The following DLG2 variants were observed in gnomAD, a reference collection of about 807,000 sequenced individuals.
DLG2 encodes discs large MAGUK scaffold protein 2.
In DLG2, 45 loss-of-function variants were observed where a neutral mutation model predicts 132.5. The ratio of observed to expected loss-of-function variants is 0.34; its 90% confidence interval spans 0.27 to 0.44. The LOEUF is 0.44. Among genes scored for constraint, DLG2 ranks in the 20% least tolerant of loss-of-function variants. DLG2 has a pLI of 1.00. For missense variants in DLG2, 1,045 were observed against 1,196.9 expected (o/e 0.87, Z 1.87); for synonymous variants, 424 against 419.6 (o/e 1.01, Z -0.13).
chr11:84,004,256 T>C (rs538710726), intron 11 of DLG2, among the ~76,000 whole-genome samples: 4 of 152,246 alleles, frequency 2.6e-5, no homozygotes, highest in Admixed American at 6.6e-5. Context: ...ATGGGATTTA[T>C]ACCAAGGGAT....
Position 84,022,731 on chromosome 11 carries a change from AC to A in DLG2, c.919+36583del, listed in dbSNP as rs1202174065. On this transcript the variant is annotated intron_variant, in intron 11 of 27. Transcript: ENST00000376104. ...AAAAATGGAGGAAGAAACATCAGAA[AC>A]TTTTTTTGGGGGGAGTAGGGTGGTG... 7.2e-5 allele frequency among the ~76,000 whole-genome samples: 11 copies of A among 152,250 alleles called. No homozygotes were observed. The East Asian group carries it at 1.7e-3, about 24-fold the overall frequency.
intron 6 of DLG2, among the ~76,000 whole-genome samples, chr11:84,962,435 A>C (rs1468597369): frequency 6.6e-6 from 1 of 152,096 alleles, no homozygotes; most frequent in Non-Finnish European, 1.5e-5. Flanking sequence ...AGCTTTCCTC[A>C]CCCTCAGTTT....
At chr11:83,675,902 C>A (rs977933076) in intron 18 of DLG2, among the ~76,000 whole-genome samples, 1 of 152,200 alleles carries the variant, frequency 6.6e-6, no homozygotes, top group African/African-American at 2.4e-5. Context: ...CATGCACCAT[C>A]ATATGCTTGG....
At chr11:84,210,016 C>T (rs1411059823) in intron 8 of DLG2, among the ~76,000 whole-genome samples, 1 of 152,164 alleles carries the variant, frequency 6.6e-6, no homozygotes, top group Non-Finnish European at 1.5e-5. Flanking sequence ...GGTATGGTGG[C>T]TCATGCATGT....
At chr11:85,215,326 A>C (rs909941605) in intron 4 of DLG2, among the ~76,000 whole-genome samples, 2 of 152,224 alleles carry the variant, frequency 1.3e-5, no homozygotes, top group African/African-American at 4.8e-5. Context: ...TTTAAAACAT[A>C]AACGTTTGCT....
intron 14 of DLG2, among the ~76,000 whole-genome samples, chr11:83,957,416 T>A (rs1485279716): frequency 2.0e-5 from 3 of 152,194 alleles, no homozygotes; most frequent in African/African-American, 7.2e-5. Context: ...ACATGGGCTA[T>A]TAAACCTTGC....
intron 6 of DLG2, among the ~76,000 whole-genome samples, chr11:84,643,065 C>A (rs2099669950): frequency 6.6e-6 from 1 of 152,110 alleles, no homozygotes; most frequent in Non-Finnish European, 1.5e-5. Flanking sequence ...GCTCTGGCCA[C>A]AGTTAAATCA....
At chr11:85,177,507 C>G (rs1220610767) in intron 4 of DLG2, among the ~76,000 whole-genome samples, 1 of 152,028 alleles carries the variant, frequency 6.6e-6, no homozygotes, top group Non-Finnish European at 1.5e-5. Context: ...ACAACACACA[C>G]TGGGGCCTTA....
At chr11:83,620,622 G>A (rs541823863) in intron 19 of DLG2, among the ~76,000 whole-genome samples, 1 of 152,046 alleles carries the variant, frequency 6.6e-6, no homozygotes, top group South Asian at 2.1e-4. Context: ...TGTAATCCCA[G>A]CACTTTGGAA....
intron 18 of DLG2, among the ~76,000 whole-genome samples, chr11:83,676,167 T>C (rs2077654841): frequency 6.6e-6 from 1 of 152,196 alleles, no homozygotes; most frequent in Non-Finnish European, 1.5e-5. Flanking sequence ...TAAGCCAGTC[T>C]CTTCAAAGTG....
chr11:83,542,779 C>T (rs1765439919), intron 19 of DLG2, among the ~76,000 whole-genome samples: 1 of 152,098 alleles, frequency 6.6e-6, no homozygotes, highest in African/African-American at 2.4e-5. Context: ...CCACATCCTG[C>T]TGTATATCCC....
At chr11:85,262,443 T>G (rs1005811124) in intron 4 of DLG2, among the ~76,000 whole-genome samples, 5 of 152,164 alleles carry the variant, frequency 3.3e-5, no homozygotes, top group Non-Finnish European at 5.9e-5. Context: ...TAAACAAGTT[T>G]ATTGGAGGTC....
At position 85,323,765 on chromosome 11, in the gene DLG2, T is replaced by C. The variant is rs562797544; in HGVS notation, c.41-38400A>G. ...TGAGAATATACAATACTTGTATTTC[T>C]GTGTCTGACTTCTTTCACTTAACAT... On this transcript the variant is annotated intron_variant, in intron 3 of 27. Coordinates refer to ENST00000376104, the MANE Select transcript of DLG2 (RefSeq NM_001142699.3). 3.9e-5 allele frequency among the ~76,000 whole-genome samples: 6 copies of C among 152,382 alleles called. No individual in the cohort carries two copies. In the South Asian group the frequency reaches 1.0e-3, roughly 26 times the overall value.
chr11:83,915,782 G>A (rs2076828086), intron 15 of DLG2, among the ~76,000 whole-genome samples: 1 of 152,024 alleles, frequency 6.6e-6, no homozygotes, highest in South Asian at 2.1e-4. Context: ...TTGTTCAGTG[G>A]CTTTTAGTAT....
intron 3 of DLG2, among the ~76,000 whole-genome samples, chr11:85,303,082 T>C (rs2079704914): frequency 1.3e-5 from 2 of 152,196 alleles, no homozygotes; most frequent in Admixed American, 1.3e-4. Flanking sequence ...TATCCTAAGT[T>C]AGAGCTTATT....
chr11:84,644,588 C>A (rs947137937), intron 6 of DLG2, among the ~76,000 whole-genome samples: 12 of 151,858 alleles, frequency 7.9e-5, no homozygotes, highest in Non-Finnish European at 1.2e-4. Flanking sequence ...CACCTGTAAT[C>A]CCAGCTGCTT....
intron 7 of DLG2, among the ~76,000 whole-genome samples, chr11:84,259,263 G>GGA (rs1567096279): frequency 1.0e-5 from 1 of 97,320 alleles, no homozygotes; most frequent in Non-Finnish European, 2.1e-5. Context: ...ACTGTGTCTC[G>GGA]AAAAAAAAAA....
rs962380618 is a variant in DLG2, at chr11:85,150,010, A to ATTTTTTTTTTTTTTT, written c.282+4531_282+4545dup. On this transcript the variant is annotated intron_variant, in intron 5 of 27. Coordinates refer to ENST00000376104, the MANE Select transcript of DLG2 (RefSeq NM_001142699.3). ...ATTAACTCAAAAACATCAGTTTTTAATTTTTTTTTTTTTTTTTTTTTTTTT... is the reference window on the plus strand; with the variant it reads ...ATTAACTCAAAAACATCAGTTTTTAATTTTTTTTTTTTTTTTTTTTTTTTTTTTTTTTTTTTTTTT... 2.1e-3 allele frequency among the ~76,000 whole-genome samples: 236 copies of ATTTTTTTTTTTTTTT among 112,304 alleles called. 6 individuals are homozygous for ATTTTTTTTTTTTTTT. The highest frequency in any genetic ancestry group is 4.4e-3 in the Middle Eastern group (1 of 226). 73.7% of individuals were successfully genotyped at this position (112,304 alleles called of 152,430 possible). A position where few individuals can be genotyped will look rare whatever the true frequency, so the allele number is the denominator to read the frequency against.
chr11:84,325,009 T>C (rs528606675), intron 7 of DLG2, among the ~76,000 whole-genome samples: 6 of 152,252 alleles, frequency 3.9e-5, no homozygotes, highest in African/African-American at 7.2e-5. Context: ...AGGTTTCTTT[T>C]CTTTTTCTTG....
Sources: allele counts gnomAD v4.1 joint callset (sites outside exome capture counted in the v4.1 genomes callset), GRCh38; gene constraint gnomAD v4.1.1; transcripts MANE v1.5; gene names NCBI Gene and HGNC (gene_info 2026-07-23, HGNC 2026-07-21).